EFR3A: variants seen among roughly 807,000 people sequenced by gnomAD.
EFR3A encodes EFR3 homolog A, also known as protein EFR3 homolog A.
A neutral mutation model predicts 104.4 loss-of-function variants in EFR3A; 76 were observed. That is an observed-to-expected ratio of 0.73 (90% confidence interval 0.60 to 0.88). The LOEUF is 0.88. EFR3A is among the 40% of genes least tolerant of loss of function. The pLI is 0.00. For missense variants in EFR3A, 985 were observed against 1,012.5 expected, an observed-to-expected ratio of 0.97 and a Z score of 0.37; for synonymous variants, 330 against 330.0, an observed-to-expected ratio of 1.00 and a Z score of 0.00.
rs1819985288 is a variant in EFR3A at position 131,970,469 on chromosome 8, T to G, written c.992-7T>G. 1.2e-6 allele frequency: 2 copies of G among 1,612,684 alleles called. No homozygotes were observed. Among genetic ancestry groups the G allele is most frequent in the African/African-American group, 1.3e-5 (1 of 75,064 alleles). On this transcript the variant is annotated splice_polypyrimidine_tract_variant and splice_region_variant and intron_variant, in intron 9 of 22. Coordinates refer to ENST00000254624, the MANE Select transcript of EFR3A (RefSeq NM_015137.6). ...ATGTATCTTCTCACATAAGTGATCC[T>G]TTATAGGTCCGACAGTGCTGGAAGT...
In EFR3A at chr8:131,944,858, C is replaced by G; in HGVS notation, c.201C>G (p.Val67=). 1 of 1,610,132 alleles carries G rather than the reference C, an allele frequency of 6.2e-7. No individual in the cohort carries two copies. The highest frequency in any genetic ancestry group is 8.5e-7 in the Non-Finnish European group (1 of 1,178,146). The change falls in exon 3 of 23, where the codon GTC becomes GTG. Residue 67 remains valine, a synonymous_variant. Coordinates refer to ENST00000254624, the MANE Select transcript of EFR3A (RefSeq NM_015137.6). ...CAGAAAGGTTGAGCAGGGATGTTGT[C>G]AGACATCGTTCTGGGTAAGGAAACT... ...YLAERLSRDV[V]RHRSGYVLIA...
At chr8:131,959,037 T>C (rs545397700) in intron 7 of EFR3A, among the ~76,000 whole-genome samples, 1 of 152,198 alleles carries the variant, frequency 6.6e-6, no homozygotes, top group Non-Finnish European at 1.5e-5. Context: ...ATCATTTTAT[T>C]CCTGAACCCA....
chr8:131,925,121 T>C (rs1290117000), intron 1 of EFR3A, among the ~76,000 whole-genome samples: 2 of 152,102 alleles, frequency 1.3e-5, no homozygotes, highest in Non-Finnish European at 2.9e-5. Context: ...CTGGTTTGAG[T>C]CTCAGGAATA....
intron 1 of EFR3A, among the ~76,000 whole-genome samples, chr8:131,933,841 G>A (rs1817740318): frequency 6.6e-6 from 1 of 151,872 alleles, no homozygotes; most frequent in African/African-American, 2.4e-5. Context: ...GAATTGTTTG[G>A]AGAAGTGTAC....
intron 1 of EFR3A, among the ~76,000 whole-genome samples, chr8:131,936,159 C>A (rs960024576): frequency 7.2e-5 from 11 of 152,028 alleles, no homozygotes; most frequent in Non-Finnish European, 2.9e-5. Context: ...GTTTCCTCTT[C>A]TAGAGGTCAA....
At chr8:131,958,907 A>G (rs923170307) in intron 7 of EFR3A, among the ~76,000 whole-genome samples, 5 of 152,160 alleles carry the variant, frequency 3.3e-5, no homozygotes, top group Admixed American at 6.5e-5. Flanking sequence ...CTTTTACCCT[A>G]TGAAATGGAT....
At chr8:132,008,118 T>G (rs1213471701) in intron 22 of EFR3A, among the ~76,000 whole-genome samples, 1 of 151,942 alleles carries the variant, frequency 6.6e-6, no homozygotes, top group Non-Finnish European at 1.5e-5. Context: ...AACTTACCAT[T>G]AAAAGACTCC....
At chr8:131,970,746 A>G (rs1820007800) in intron 10 of EFR3A, 103 bp downstream of exon 10, 1 of 1,142,202 alleles carries the variant, frequency 8.8e-7, no homozygotes, top group Non-Finnish European at 1.2e-6. Flanking sequence ...AAGATGAATG[A>G]TAGCTTAAAT....
intron 3 of EFR3A, among the ~76,000 whole-genome samples, chr8:131,946,088 CATATTT>C (rs1453260897): frequency 6.6e-6 from 1 of 151,818 alleles, no homozygotes; most frequent in Non-Finnish European, 1.5e-5. Context: ...TTTATCTACT[CATATTT>C]AGACATATAA....
intron 12 of EFR3A, 42 bp downstream of exon 12, chr8:131,977,134 A>G (rs773463243): frequency 2.1e-6 from 3 of 1,421,174 alleles, no homozygotes; most frequent in Non-Finnish European, 2.9e-6. Flanking sequence ...TTAACCTTAA[A>G]TTACTGAAAA....
chr8:131,955,681 A>C lies in EFR3A; in HGVS notation c.639-87A>C, dbSNP rs925103867. The C allele has an allele frequency of 2.8e-6, 4 of 1,419,528 alleles. No individual in the cohort carries two copies. In the African/African-American group the frequency reaches 5.8e-5, roughly 21 times the overall value. 87.9% of individuals were successfully genotyped at this position (1,419,528 alleles called of 1,614,324 possible). On this transcript the variant is annotated intron_variant, in intron 6 of 22. Transcript: ENST00000254624. ...GAGTATAAAAAGAAAATGCCATTTT[A>C]ACATTTCTAAAAAGTAAAGTATATT...
intron 19 of EFR3A, among the ~76,000 whole-genome samples, chr8:132,001,236 A>AG (rs1258594049): frequency 9.9e-5 from 15 of 152,208 alleles, no homozygotes; most frequent in Non-Finnish European, 2.1e-4. Context: ...TACTTCCCAA[A>AG]GTAGTGGTTC....
intron 4 of EFR3A, among the ~76,000 whole-genome samples, chr8:131,948,246 C>T (rs1221228303): frequency 6.6e-6 from 1 of 152,084 alleles, no homozygotes; most frequent in Non-Finnish European, 1.5e-5. Flanking sequence ...TTTTGAACTA[C>T]GCCTGTACCG....
intron 15 of EFR3A, 143 bp from the exon 16 acceptor site, chr8:131,984,786 A>G: frequency 1.3e-6 from 1 of 758,074 alleles, no homozygotes. Flanking sequence ...TTTTCCTTTC[A>G]GAATTGTTTT....
intron 4 of EFR3A, among the ~76,000 whole-genome samples, chr8:131,947,818 T>C (rs1401392931): frequency 1.3e-5 from 2 of 152,142 alleles, no homozygotes; most frequent in African/African-American, 4.8e-5. Flanking sequence ...TCCCTTTGAA[T>C]GGTCTTGGCA....
intron 1 of EFR3A, among the ~76,000 whole-genome samples, chr8:131,906,680 C>G (rs763073997): frequency 3.3e-5 from 5 of 152,168 alleles, no homozygotes; most frequent in South Asian, 2.1e-4. Flanking sequence ...GATCCGTAGA[C>G]TCTTTGAGAA....
At chr8:131,923,742 G>A (rs895198077) in intron 1 of EFR3A, among the ~76,000 whole-genome samples, 3 of 152,058 alleles carry the variant, frequency 2.0e-5, no homozygotes, top group African/African-American at 7.2e-5. Context: ...CATTAGCTGA[G>A]TCACAATCCC....
At position 132,003,261 on chromosome 8, in the gene EFR3A, C is replaced by T. The variant is rs1195273742; in HGVS notation, c.2336C>T (p.Ala779Val). Reference sequence around the variant, plus strand: ...GCAAATTTGCTTCATGATAGACTTGCCCAAATATTGGAACTCACCATACGG... The same window carrying T: ...GCAAATTTGCTTCATGATAGACTTGTCCAAATATTGGAACTCACCATACGG... ...SKANLLHDRLAQILELTIRPP... is the reference protein window; with the variant it reads ...SKANLLHDRLVQILELTIRPP... The change falls in exon 22 of 23, where the codon GCC (alanine) becomes GTC (valine). Residue 779 changes from alanine to valine, a missense_variant. By Grantham distance (64) the Ala-to-Val change is moderately conservative. Transcript: ENST00000254624. 5 of 1,612,226 alleles carry T rather than the reference C, an allele frequency of 3.1e-6. No homozygotes were observed. Among genetic ancestry groups the T allele is most frequent in the South Asian group, 2.2e-5 (2 of 90,672 alleles).
chr8:131,983,645 A>G (rs760990955), intron 14 of EFR3A, among the ~76,000 whole-genome samples: 2 of 152,042 alleles, frequency 1.3e-5, no homozygotes, highest in Non-Finnish European at 2.9e-5. Flanking sequence ...CAGGGACTCC[A>G]TGCCAAAATG....
Sources: gnomAD v4.1 joint callset for allele counts (sites outside exome capture counted in the v4.1 genomes callset) on GRCh38, gnomAD v4.1.1 for gene constraint, MANE v1.5 for transcripts, NCBI Gene and HGNC (gene_info 2026-07-23, HGNC 2026-07-21) for gene names.